Variants in CFAP47 observed in about 807,000 individuals in gnomAD.
The protein encoded by CFAP47 is cilia- and flagella-associated protein 47.
CFAP47 carries 29 observed loss-of-function variants against 148.1 expected under a neutral mutation model. The ratio of observed to expected loss-of-function variants is 0.20; its 90% CI spans 0.15 to 0.27. The LOEUF is 0.27. Ranked by LOEUF, CFAP47 falls within the 10% of genes least tolerant of loss-of-function variation. The pLI is 1.00. For synonymous variants in CFAP47, 664 were observed against 577.3 expected, an observed-to-expected ratio of 1.15 and a Z score of -2.15; for missense variants, 1,872 against 1,697.5, an observed-to-expected ratio of 1.10 and a Z score of -1.81.
chrX:36,011,837 C>T (rs903521668), intron 21 of CFAP47, among the ~76,000 whole-genome samples: 5 of 111,986 alleles, frequency 4.5e-5, no homozygotes, highest in Non-Finnish European at 9.4e-5. Flanking sequence ...ATTTGCTGTG[C>T]AGAAGCTCTC....
intron 48 of CFAP47, among the ~76,000 whole-genome samples, chrX:36,238,671 C>T (rs1555995348): frequency 9.0e-6 from 1 of 111,354 alleles, no homozygotes; most frequent in African/African-American, 3.3e-5. Context: ...AATTCCTTAA[C>T]ATTGGATTAT....
At chrX:36,119,250 C>T (rs900404416) in intron 33 of CFAP47, among the ~76,000 whole-genome samples, 1 of 111,663 alleles carries the variant, frequency 9.0e-6, no homozygotes, top group African/African-American at 3.3e-5. Context: ...CTTCTATACT[C>T]AGCTTTTTGA....
chrX:36,085,262 C>G, intron 29 of CFAP47, 52 bp from the exon 30 acceptor site: 1 of 765,184 alleles, frequency 1.3e-6, no homozygotes, highest in African/African-American at 2.1e-5. Context: ...TTTTTTTCCC[C>G]CATACTATAA....
At chrX:35,953,505 T>A in intron 6 of CFAP47, 87 bp from the exon 7 acceptor site, 1 of 707,290 alleles carries the variant, frequency 1.4e-6, no homozygotes, top group East Asian at 3.5e-5. Context: ...TTGCATAGAT[T>A]TAAAGATTGG....
chrX:36,234,063 C>T (rs1940413644), intron 46 of CFAP47, among the ~76,000 whole-genome samples: 1 of 109,515 alleles, frequency 9.1e-6, no homozygotes, highest in African/African-American at 3.3e-5. Flanking sequence ...TCCTTCATTT[C>T]AACTTTGGTG....
chrX:36,084,483 G>T lies in CFAP47; in HGVS notation c.4692-831G>T, dbSNP rs1026003267. 5.4e-5 allele frequency among the ~76,000 whole-genome samples: 6 copies of T among 111,349 alleles called. No homozygotes were observed. The East Asian group carries it at 1.4e-3, about 26-fold the overall frequency. The stretch of plus-strand genomic sequence containing the variant: ...TAGTCTATTTCTTGCCCAGTGGAAC[G>T]TATTTTCTTCTGTGTGAACTTCCTA... On this transcript the variant is annotated intron_variant, in intron 29 of 63. Coordinates refer to ENST00000378653, the MANE Select transcript of CFAP47 (RefSeq NM_001304548.2).
At chrX:36,284,697 G>A (rs1941114167) in intron 50 of CFAP47, among the ~76,000 whole-genome samples, 1 of 111,670 alleles carries the variant, frequency 9.0e-6, no homozygotes, top group East Asian at 2.8e-4. Flanking sequence ...ACTAGTTTGT[G>A]CTTCTTATTT....
At chrX:35,939,757 G>A (rs1473720882) in intron 2 of CFAP47, among the ~76,000 whole-genome samples, 13 of 97,515 alleles carry the variant, frequency 1.3e-4, no homozygotes, top group African/African-American at 1.9e-4. Context: ...GTAAACATAC[G>A]TGTGCATGTG....
At chrX:36,250,731 TA>T (rs1187983292) in intron 48 of CFAP47, among the ~76,000 whole-genome samples, 3 of 110,241 alleles carry the variant, frequency 2.7e-5, no homozygotes, top group African/African-American at 9.8e-5. Flanking sequence ...GTATGCTAAA[TA>T]AAAAAGTCAG....
intron 11 of CFAP47, 130 bp from the exon 12 acceptor site, chrX:35,971,456 C>T (rs1936489242): frequency 2.4e-6 from 1 of 416,387 alleles, no homozygotes; most frequent in East Asian, 3.9e-5. Context: ...TGGATTAGTG[C>T]ACCAGTCTGG....
At chrX:36,001,320 C>T (rs759660281) in intron 20 of CFAP47, among the ~76,000 whole-genome samples, 19 of 111,385 alleles carry the variant, frequency 1.7e-4, no homozygotes, top group East Asian at 5.7e-4. Flanking sequence ...CTAGCTGTTC[C>T]GGGACCTAAG....
intron 22 of CFAP47, among the ~76,000 whole-genome samples, chrX:36,026,193 A>G (rs922971576): frequency 8.9e-6 from 1 of 112,011 alleles, no homozygotes; most frequent in Non-Finnish European, 1.9e-5. Context: ...GCAAAGATGT[A>G]GCATTTCTTC....
chrX:36,370,174 A>G (rs782748695), intron 62 of CFAP47, among the ~76,000 whole-genome samples: 2 of 110,684 alleles, frequency 1.8e-5, no homozygotes, highest in East Asian at 2.9e-4. Context: ...ATAGATATAC[A>G]TGTGCCATGT....
At chrX:36,051,987 A>G (rs1247184743) in intron 26 of CFAP47, among the ~76,000 whole-genome samples, 1 of 111,501 alleles carries the variant, frequency 9.0e-6, no homozygotes, top group Non-Finnish European at 1.9e-5. Context: ...GCCTGCCGCC[A>G]TGTGAGATGT....
In CFAP47 at chrX:35,990,498, T is replaced by C. The variant is rs935113628; in HGVS notation, c.2844+1049T>C. The stretch of plus-strand genomic sequence containing the variant: ...AGGGGGAGTCCTGACCTTAAGTAAT[T>C]CTGTGAATCCCCATTTTTCGATAAG... On this transcript the variant is annotated intron_variant, in intron 16 of 63. Transcript: ENST00000378653. Among the ~76,000 whole-genome samples, 3 of 111,116 alleles carry C rather than the reference T, an allele frequency of 2.7e-5. No individual in the cohort carries two copies. In the Admixed American group the frequency reaches 2.9e-4, roughly 11 times the overall value.
chrX:36,185,399 G>A (rs1939796075), intron 40 of CFAP47, among the ~76,000 whole-genome samples: 2 of 110,866 alleles, frequency 1.8e-5, no homozygotes, highest in Non-Finnish European at 3.8e-5. Context: ...GTCAGGGCAG[G>A]GGAAGCACAT....
At chrX:35,965,475 A>G (rs1159774500) in intron 8 of CFAP47, among the ~76,000 whole-genome samples, 10 of 111,852 alleles carry the variant, frequency 8.9e-5, no homozygotes, top group East Asian at 2.8e-4. Context: ...GTGTGTCACA[A>G]TCTAGGTTCC....
At chrX:35,991,670 G>A (rs1936791166) in intron 16 of CFAP47, among the ~76,000 whole-genome samples, 151 bp from the exon 17 acceptor site, 2 of 110,622 alleles carry the variant, frequency 1.8e-5, no homozygotes, top group South Asian at 7.5e-4. Flanking sequence ...AAGAATATAG[G>A]AGTATTATAA....
In CFAP47 at chrX:36,144,894, T is replaced by C. The variant is rs200741173; in HGVS notation, c.5536-325T>C. ...CAGCCTTCGGCCTCAGAATGGGGCC[T>C]GCACTGTAGCTTCCCTGGTTTGGGG... is the stretch of plus-strand genomic sequence containing the variant. On this transcript the variant is annotated intron_variant, in intron 35 of 63. Transcript: ENST00000378653. 827 of 914,031 alleles carry C rather than the reference T, an allele frequency of 9.0e-4. 1 individual carries two copies. The highest frequency in any genetic ancestry group is 1.1e-3 in the Non-Finnish European group (748 of 712,005). 75.3% of individuals were successfully genotyped at this position (914,031 alleles called of 1,213,427 possible).
Sources: allele counts gnomAD v4.1 joint callset (sites outside exome capture counted in the v4.1 genomes callset), GRCh38; gene constraint gnomAD v4.1.1; transcripts MANE v1.5; gene names NCBI Gene and HGNC (gene_info 2026-07-23, HGNC 2026-07-21).